TENM2: variants seen among roughly 807,000 people sequenced by gnomAD.
The protein encoded by TENM2 is teneurin transmembrane protein 2.
TENM2 carries 52 observed loss-of-function variants against 245.2 expected under a neutral mutation model. The observed-to-expected ratio is 0.21, with a 90% CI of 0.17 to 0.27. The LOEUF is 0.27. Ranked by LOEUF, TENM2 falls within the 10% of genes least tolerant of loss-of-function variation. The pLI, the probability that TENM2 is intolerant of heterozygous loss-of-function variation, is 1.00. For missense variants in TENM2, 3,046 were observed against 3,666.8 expected, an observed-to-expected ratio of 0.83 and a Z score of 4.37; for synonymous variants, 1,363 against 1,438.9, an observed-to-expected ratio of 0.95 and a Z score of 1.19.
chr5:167,947,290 C>G (rs1310203326), intron 3 of TENM2, among the ~76,000 whole-genome samples: 1 of 152,154 alleles, frequency 6.6e-6, no homozygotes, highest in Non-Finnish European at 1.5e-5. Context: ...TAGTAATAAT[C>G]ATAATAATAT....
At chr5:167,407,347 G>A (rs995529616) in intron 2 of TENM2, among the ~76,000 whole-genome samples, 2 of 152,090 alleles carry the variant, frequency 1.3e-5, no homozygotes, top group African/African-American at 4.8e-5. Context: ...TAGAACATAG[G>A]TACTAGTTAA....
chr5:168,219,319 T>G (rs2152565779), intron 23 of TENM2, among the ~76,000 whole-genome samples: 1 of 152,290 alleles, frequency 6.6e-6, no homozygotes, highest in Admixed American at 6.5e-5. Flanking sequence ...TATTCAAGTT[T>G]GCCATGGGTG....
At chr5:168,185,383 C>T (rs183905952) in intron 13 of TENM2, among the ~76,000 whole-genome samples, 112 of 152,248 alleles carry the variant, frequency 7.4e-4, no homozygotes, top group African/African-American at 2.6e-3. Flanking sequence ...ATTCATTATA[C>T]GACACTGCTC....
intron 2 of TENM2, among the ~76,000 whole-genome samples, chr5:167,760,798 C>T (rs188015153): frequency 1.1e-4 from 16 of 152,242 alleles, no homozygotes; most frequent in South Asian, 4.2e-4. Flanking sequence ...GGATTACAGG[C>T]GCGTGCCACG....
chr5:167,253,988 A>G, the TENM2 span, among the ~76,000 whole-genome samples: 9 of 152,122 alleles, frequency 5.9e-5, no homozygotes, highest in Admixed American at 5.9e-4. Context: ...TACCTGCCAA[A>G]TCAACTTAAA....
At chr5:167,655,858 A>T (rs1263558527) in intron 2 of TENM2, among the ~76,000 whole-genome samples, 1 of 152,166 alleles carries the variant, frequency 6.6e-6, no homozygotes, top group Non-Finnish European at 1.5e-5. Context: ...ATACTATCCT[A>T]AACTAGCTCT....
chr5:167,582,646 C>G (rs1469027476), intron 2 of TENM2, among the ~76,000 whole-genome samples: 1 of 152,098 alleles, frequency 6.6e-6, no homozygotes, highest in Non-Finnish European at 1.5e-5. Context: ...TTGTTTTAAG[C>G]AAATTTCAGA....
chr5:167,445,339 A>ATATATATATATATATATATG (rs1765125542), intron 2 of TENM2, among the ~76,000 whole-genome samples: 2 of 72,212 alleles, frequency 2.8e-5, no homozygotes, highest in South Asian at 1.2e-3. Flanking sequence ...ATATATATAG[A>ATATATATATATATATATATG]GAGAGAGAGA....
chr5:167,513,288 G>A lies in TENM2; in HGVS notation c.502+137815G>A, dbSNP rs562680825. On this transcript the variant is annotated intron_variant, in intron 2 of 28. Coordinates refer to ENST00000518659, the Ensembl canonical transcript of TENM2. ...TTAAAATCTGCTTGCACTTATTTGG[G>A]CACTAAAATATGTTTTATTTGGAGA... Among the ~76,000 whole-genome samples the A allele has an allele frequency of 3.9e-5, 6 of 152,090 alleles. No individual in the cohort carries two copies. The South Asian group carries it at 1.0e-3, about 26-fold the overall frequency.
chr5:167,284,494 T>C (rs569423541), upstream of TENM2, among the ~76,000 whole-genome samples: 3 of 152,362 alleles, frequency 2.0e-5, no homozygotes, highest in African/African-American at 7.2e-5. Context: ...GATCATGTCA[T>C]CTGTGCATAC....
chr5:167,151,700 G>A, the TENM2 span, among the ~76,000 whole-genome samples: 5 of 152,012 alleles, frequency 3.3e-5, no homozygotes, highest in East Asian at 9.7e-4. Flanking sequence ...TGTATTTTTA[G>A]TAGAGATGGG....
At chr5:167,615,725 C>T (rs1240620412) in intron 2 of TENM2, among the ~76,000 whole-genome samples, 1 of 151,932 alleles carries the variant, frequency 6.6e-6, no homozygotes, top group Non-Finnish European at 1.5e-5. Flanking sequence ...GCCCATTTTG[C>T]TCCAGAGTCA....
At chr5:167,997,425 C>G (rs1303072252) in intron 5 of TENM2, among the ~76,000 whole-genome samples, 1 of 152,192 alleles carries the variant, frequency 6.6e-6, no homozygotes, top group Non-Finnish European at 1.5e-5. Context: ...TGGATAGAAA[C>G]TATAGCCCCT....
the TENM2 span, among the ~76,000 whole-genome samples, chr5:167,066,900 A>G: frequency 1.3e-5 from 2 of 152,168 alleles, no homozygotes; most frequent in Non-Finnish European, 2.9e-5. Context: ...AACAGTCCTC[A>G]TATGATTTAG....
intron 2 of TENM2, among the ~76,000 whole-genome samples, chr5:167,552,757 G>A (rs1208757681): frequency 1.3e-5 from 2 of 152,052 alleles, no homozygotes; most frequent in Non-Finnish European, 2.9e-5. Flanking sequence ...CTGTCTCTAG[G>A]GACATAAAAA....
At chr5:168,047,886 CA>C (rs1277532153) in intron 6 of TENM2, among the ~76,000 whole-genome samples, 1 of 147,586 alleles carries the variant, frequency 6.8e-6, no homozygotes, top group Non-Finnish European at 1.5e-5. Flanking sequence ...GCTGGAGTGG[CA>C]GCAGCAGCAG....
At chr5:168,181,167 G>C (rs1273089050) in intron 13 of TENM2, among the ~76,000 whole-genome samples, 1 of 152,238 alleles carries the variant, frequency 6.6e-6, no homozygotes, top group Non-Finnish European at 1.5e-5. Flanking sequence ...AGGTCCCTGA[G>C]TGATTGTGAT....
intron 4 of TENM2, among the ~76,000 whole-genome samples, chr5:167,953,995 T>C (rs1363761918): frequency 6.6e-6 from 1 of 152,174 alleles, no homozygotes; most frequent in Non-Finnish European, 1.5e-5. Flanking sequence ...TTTTGCTTTA[T>C]TAAGAGAAAC....
intron 2 of TENM2, among the ~76,000 whole-genome samples, chr5:167,380,273 C>G (rs1761019602): frequency 1.3e-5 from 2 of 152,094 alleles, no homozygotes; most frequent in Admixed American, 6.6e-5. Flanking sequence ...TAAAACACAG[C>G]TGATAATAAC....
Sources: gnomAD v4.1 joint callset for allele counts (sites outside exome capture counted in the v4.1 genomes callset) on GRCh38, gnomAD v4.1.1 for gene constraint, MANE v1.5 for transcripts, NCBI Gene and HGNC (gene_info 2026-07-23, HGNC 2026-07-21) for gene names.